Variants in DPYD observed in about 807,000 individuals in gnomAD.
DPYD encodes the protein dihydropyrimidine dehydrogenase.
DPYD carries 109 observed loss-of-function variants against 116.2 expected under a neutral mutation model. That is an observed-to-expected ratio of 0.94 (90% CI 0.80 to 1.10). The LOEUF (loss-of-function observed/expected upper bound fraction) is 1.10. Ranked by LOEUF, DPYD falls within the 50% of genes least tolerant of loss-of-function variation. The pLI, the probability that DPYD is intolerant of heterozygous loss-of-function variation, is 0.00. For missense variants in DPYD, 1,302 were observed against 1,254.5 expected (o/e 1.04, Z -0.57); for synonymous variants, 440 against 432.0 (o/e 1.02, Z -0.23).
At chr1:97,523,834 A>G (rs1222084578) in intron 12 of DPYD, among the ~76,000 whole-genome samples, 2 of 152,136 alleles carry the variant, frequency 1.3e-5, no homozygotes, top group Non-Finnish European at 1.5e-5. Flanking sequence ...AGGGAGACAG[A>G]GGGGGAAATG....
At chr1:97,468,715 C>G (rs1295465846) in intron 13 of DPYD, among the ~76,000 whole-genome samples, 3 of 152,178 alleles carry the variant, frequency 2.0e-5, no homozygotes, top group Non-Finnish European at 4.4e-5. Flanking sequence ...ACCCACGGGG[C>G]TATCATTTGC....
chr1:97,825,642 G>A, intron 3 of DPYD, among the ~76,000 whole-genome samples: 1 of 109,974 alleles, frequency 9.1e-6, no homozygotes, highest in African/African-American at 3.5e-5. Flanking sequence ...GAGGGGGGGA[G>A]GGATAGCATT....
At chr1:97,709,445 T>C (rs977635216) in intron 5 of DPYD, among the ~76,000 whole-genome samples, 1 of 151,850 alleles carries the variant, frequency 6.6e-6, no homozygotes, top group Non-Finnish European at 1.5e-5. Flanking sequence ...TGTGGGTACA[T>C]AGTACATTCT....
At chr1:97,248,949 T>C (rs1361532547) in intron 18 of DPYD, among the ~76,000 whole-genome samples, 4 of 152,152 alleles carry the variant, frequency 2.6e-5, no homozygotes, top group African/African-American at 7.2e-5. Flanking sequence ...GAAAAATTCA[T>C]GATACTTCAG....
chr1:97,776,393 T>C (rs1047914744), intron 3 of DPYD, among the ~76,000 whole-genome samples: 1 of 152,302 alleles, frequency 6.6e-6, no homozygotes, highest in African/African-American at 2.4e-5. Context: ...TCTGAAGTTA[T>C]CACAAAGGTT....
At chr1:97,239,303 C>T (rs1467543200) in intron 18 of DPYD, among the ~76,000 whole-genome samples, 1 of 152,092 alleles carries the variant, frequency 6.6e-6, no homozygotes, top group Non-Finnish European at 1.5e-5. Context: ...AAAATGAACT[C>T]TCATTTGTCA....
intron 16 of DPYD, among the ~76,000 whole-genome samples, chr1:97,331,183 A>G (rs540651883): frequency 1.1e-4 from 16 of 152,040 alleles, no homozygotes; most frequent in African/African-American, 3.1e-4. Context: ...TTGCAAACCT[A>G]TATATTGAGG....
chr1:97,266,480 T>C (rs959133674), intron 18 of DPYD, among the ~76,000 whole-genome samples: 1 of 152,194 alleles, frequency 6.6e-6, no homozygotes, highest in Admixed American at 6.5e-5. Flanking sequence ...TATGCTGCTA[T>C]AACAGAATAC....
At chr1:97,914,796 T>A (rs1227686036) in intron 1 of DPYD, among the ~76,000 whole-genome samples, 1 of 152,078 alleles carries the variant, frequency 6.6e-6, no homozygotes, top group Non-Finnish European at 1.5e-5. Context: ...AACTCCCCAA[T>A]CTCCCTCATA....
intron 3 of DPYD, among the ~76,000 whole-genome samples, chr1:97,808,224 G>T (rs1668173465): frequency 6.6e-6 from 1 of 152,102 alleles, no homozygotes; most frequent in South Asian, 2.1e-4. Context: ...CTTGAGAATT[G>T]TGAGTATTCC....
intron 20 of DPYD, among the ~76,000 whole-genome samples, chr1:97,106,673 T>G (rs565083663): frequency 6.6e-6 from 1 of 152,080 alleles, no homozygotes; most frequent in Non-Finnish European, 1.5e-5. Flanking sequence ...GAGTTAAGTA[T>G]GCCATTGGCT....
At chr1:97,190,888 T>C (rs1658304703) in intron 20 of DPYD, among the ~76,000 whole-genome samples, 1 of 152,134 alleles carries the variant, frequency 6.6e-6, no homozygotes, top group Non-Finnish European at 1.5e-5. Context: ...CATTGTACTT[T>C]CCAAACAAAA....
intron 20 of DPYD, among the ~76,000 whole-genome samples, chr1:97,105,557 C>T (rs1651076367): frequency 6.6e-6 from 1 of 152,028 alleles, no homozygotes; most frequent in Non-Finnish European, 1.5e-5. Context: ...TAGAAACCAA[C>T]AGGAGGGAGG....
chr1:97,387,528 G>A (rs905296378), intron 14 of DPYD, among the ~76,000 whole-genome samples: 1 of 152,070 alleles, frequency 6.6e-6, no homozygotes, highest in African/African-American at 2.4e-5. Flanking sequence ...CCAATTGTTA[G>A]ACCTATTTAT....
At position 97,688,215 on chromosome 1, in the gene DPYD, A is replaced by T. The variant is rs1557884060; in HGVS notation, c.762+3502T>A. ...AGCATTAATAAATATATAGTCAGCA[A>T]TTAATGAATAAGAAAACAAAACTTT... On this transcript the variant is annotated intron_variant, in intron 7 of 22. Coordinates refer to ENST00000370192, the MANE Select transcript of DPYD (RefSeq NM_000110.4). Among the ~76,000 whole-genome samples, 4 of 152,336 alleles carry T rather than the reference A, an allele frequency of 2.6e-5. No individual in the cohort carries two copies. The South Asian group carries it at 8.3e-4, about 32-fold the overall frequency.
At chr1:97,896,446 T>A (rs1558038751) in intron 1 of DPYD, among the ~76,000 whole-genome samples, 1 of 151,976 alleles carries the variant, frequency 6.6e-6, no homozygotes, top group Admixed American at 6.6e-5. Context: ...TACCCAACAT[T>A]CTTTGTGCAT....
chr1:97,903,439 TTC>T (rs1197086876), intron 1 of DPYD, among the ~76,000 whole-genome samples: 1 of 151,908 alleles, frequency 6.6e-6, no homozygotes, highest in African/African-American at 2.4e-5. Context: ...TATGGATCAG[TTC>T]TGTCTATCAA....
intron 14 of DPYD, among the ~76,000 whole-genome samples, chr1:97,438,686 A>G (rs955228618): frequency 2.0e-5 from 3 of 152,018 alleles, no homozygotes; most frequent in African/African-American, 7.2e-5. Context: ...AGTAATGAAG[A>G]GAAGGTGTTT....
chr1:97,161,624 G>A (rs1194147885), intron 20 of DPYD, among the ~76,000 whole-genome samples: 1 of 151,234 alleles, frequency 6.6e-6, no homozygotes, highest in South Asian at 2.1e-4. Flanking sequence ...ACAATGTACA[G>A]GTTAGTTACA....
Sources: allele counts gnomAD v4.1 joint callset (sites outside exome capture counted in the v4.1 genomes callset), GRCh38; gene constraint gnomAD v4.1.1; transcripts MANE v1.5; gene names NCBI Gene and HGNC (gene_info 2026-07-23, HGNC 2026-07-21).